The following MYT1L variants were observed in gnomAD, a reference collection of about 807,000 sequenced individuals.
MYT1L encodes myelin transcription factor 1 like.
Under a neutral mutation model 126.7 loss-of-function variants are expected in MYT1L, and 12 were observed. That is an observed-to-expected ratio of 0.09 (90% CI 0.06 to 0.15). MYT1L has a LOEUF of 0.15. MYT1L is among the 10% of genes least tolerant of loss of function. MYT1L has a pLI of 1.00. For synonymous variants in MYT1L, 541 were observed against 604.2 expected, an observed-to-expected ratio of 0.90 and a Z score of 1.53; for missense variants, 979 against 1,585.2, an observed-to-expected ratio of 0.62 and a Z score of 6.49.
chr2:1,897,425 T>C (rs1472049203), intron 14 of MYT1L, among the ~76,000 whole-genome samples: 1 of 151,946 alleles, frequency 6.6e-6, no homozygotes, highest in African/African-American at 2.4e-5. Flanking sequence ...CAGAATGCAC[T>C]TTCTTTTTCT....
chr2:2,034,005 T>C (rs1290631880), intron 4 of MYT1L, among the ~76,000 whole-genome samples: 2 of 152,142 alleles, frequency 1.3e-5, no homozygotes, highest in African/African-American at 4.8e-5. Flanking sequence ...ACCTAAGAAA[T>C]GAAAACATGC....
intron 3 of MYT1L, among the ~76,000 whole-genome samples, chr2:2,060,311 T>C (rs1386856067): frequency 1.3e-5 from 2 of 152,232 alleles, no homozygotes; most frequent in African/African-American, 4.8e-5. Context: ...CATAGCTGTA[T>C]TATAAAATTC....
intron 3 of MYT1L, among the ~76,000 whole-genome samples, chr2:2,112,522 T>C (rs1253502806): frequency 2.6e-5 from 4 of 152,180 alleles, no homozygotes; most frequent in African/African-American, 7.2e-5. Flanking sequence ...TGGTGGGGCA[T>C]TGAGACTGTA....
intron 8 of MYT1L, among the ~76,000 whole-genome samples, chr2:1,969,737 C>T (rs1402138128): frequency 6.6e-6 from 1 of 152,192 alleles, no homozygotes; most frequent in Non-Finnish European, 1.5e-5. Context: ...GGCCTTCCTG[C>T]AGCCCTCTCT....
At chr2:1,924,083 T>C (rs972624524) in intron 9 of MYT1L, among the ~76,000 whole-genome samples, 2 of 152,170 alleles carry the variant, frequency 1.3e-5, no homozygotes, top group African/African-American at 4.8e-5. Flanking sequence ...AGCTGGCACA[T>C]TCCTCCATCT....
chr2:2,090,427 T>A (rs776967648), intron 3 of MYT1L, among the ~76,000 whole-genome samples: 1 of 152,198 alleles, frequency 6.6e-6, no homozygotes, highest in Non-Finnish European at 1.5e-5. Flanking sequence ...TCTAAAAATG[T>A]ACATATCTTA....
intron 13 of MYT1L, among the ~76,000 whole-genome samples, chr2:1,908,379 G>A (rs942279401): frequency 1.3e-5 from 2 of 151,762 alleles, no homozygotes; most frequent in Non-Finnish European, 2.9e-5. Flanking sequence ...AGTCGTAGGT[G>A]GTCAGTGCAG....
intron 3 of MYT1L, among the ~76,000 whole-genome samples, chr2:2,120,794 AC>A (rs1428889778): frequency 6.6e-6 from 1 of 152,058 alleles, no homozygotes; most frequent in Non-Finnish European, 1.5e-5. Flanking sequence ...CATTGCACAC[AC>A]GTGTGTGTGT....
Position 1,912,025 on chromosome 2 carries a change from G to A in MYT1L, c.1704C>T (p.His568=), listed in dbSNP as rs1162447153. Residue 568 remains histidine, a synonymous_variant, in exon 12 of 25, where the codon CAC becomes CAT. Coordinates refer to ENST00000647738, the MANE Select transcript of MYT1L (RefSeq NM_001303052.2). This position sits in a 1 kb window ranked among gnomAD's most constrained non-coding sequence, Gnocchi z 4.3. Reference sequence around the variant, plus strand: ...GTGACCCACGCGTGGCTTACCTTCGGTGGGAGTTCCTGTTGCTGTTGACAT... The same window carrying A: ...GTGACCCACGCGTGGCTTACCTTCGATGGGAGTTCCTGTTGCTGTTGACAT... ...RGHVNSNRNS[H]RSLSGCPIAA... 2 of 1,595,322 alleles carry A rather than the reference G, an allele frequency of 1.3e-6. No homozygotes were observed. Among genetic ancestry groups the A allele is most frequent in the Non-Finnish European group, 1.7e-6 (2 of 1,167,384 alleles).
intron 2 of MYT1L, among the ~76,000 whole-genome samples, chr2:2,245,577 T>A (rs2094519179): frequency 6.6e-6 from 1 of 151,698 alleles, no homozygotes; most frequent in Non-Finnish European, 1.5e-5. Context: ...GACAATCACT[T>A]AGCAGTTTCC....
intron 18 of MYT1L, among the ~76,000 whole-genome samples, chr2:1,860,471 A>C (rs1206443937): frequency 6.6e-6 from 1 of 152,192 alleles, no homozygotes; most frequent in East Asian, 1.9e-4. Context: ...TCCACATGCA[A>C]AGGGACCTCA....
chr2:2,229,640 C>T (rs2094112413), intron 2 of MYT1L, among the ~76,000 whole-genome samples: 1 of 151,804 alleles, frequency 6.6e-6, no homozygotes, highest in African/African-American at 2.4e-5. Context: ...ACTGTGTTGG[C>T]CAGGCTGGTC....
chr2:2,146,413 G>A (rs1369992425), intron 3 of MYT1L, among the ~76,000 whole-genome samples: 1 of 152,186 alleles, frequency 6.6e-6, no homozygotes, highest in Non-Finnish European at 1.5e-5. Flanking sequence ...GACGATAGAA[G>A]TGAGTGTGGG....
chr2:2,268,734 C>T (rs1028325925), intron 2 of MYT1L, among the ~76,000 whole-genome samples: 3 of 152,100 alleles, frequency 2.0e-5, no homozygotes, highest in East Asian at 1.9e-4. Flanking sequence ...AGATAACCCG[C>T]GGCAGTTGTT....
At chr2:2,100,050 A>T (rs1419455089) in intron 3 of MYT1L, among the ~76,000 whole-genome samples, 1 of 152,202 alleles carries the variant, frequency 6.6e-6, no homozygotes, top group African/African-American at 2.4e-5. Flanking sequence ...GGTTGCATTT[A>T]TGTTTTCCTT....
chr2:1,979,349 G>A lies in MYT1L; in HGVS notation c.90-122C>T. 3.6e-6 allele frequency: 4 copies of A among 1,119,558 alleles called. No homozygotes were observed. Among genetic ancestry groups the A allele is most frequent in the Middle Eastern group, 2.3e-4 (1 of 4,442 alleles). The allele number at this position is 1,119,558 out of a possible 1,614,324, so 69.4% of individuals were successfully genotyped here. On this transcript the variant is annotated intron_variant, in intron 7 of 24. Coordinates refer to ENST00000647738, the MANE Select transcript of MYT1L (RefSeq NM_001303052.2). This position sits in a 1 kb window ranked among gnomAD's most constrained non-coding sequence, Gnocchi z 4.0. ...AGGAGAGAAATCACACAATCCAAAG[G>A]AGGGGGAAATTCGGGGAGGCTTTTT...
chr2:2,297,664 C>T (rs757134296), intron 1 of MYT1L, among the ~76,000 whole-genome samples: 1 of 152,190 alleles, frequency 6.6e-6, no homozygotes, highest in Non-Finnish European at 1.5e-5. Flanking sequence ...AAGGCATTCA[C>T]TCCAGAAGGT....
At chr2:1,895,636 T>C (rs1214789576) in intron 14 of MYT1L, among the ~76,000 whole-genome samples, 1 of 152,206 alleles carries the variant, frequency 6.6e-6, no homozygotes, top group Non-Finnish European at 1.5e-5. Flanking sequence ...GGCTGAGCTA[T>C]TTGTAGAAGA....
At chr2:2,167,747 C>T (rs1445747397) in intron 3 of MYT1L, among the ~76,000 whole-genome samples, 1 of 152,246 alleles carries the variant, frequency 6.6e-6, no homozygotes, top group Non-Finnish European at 1.5e-5. Flanking sequence ...CACTCAGATT[C>T]TCCCCTTTGG....
Sources: gnomAD v4.1 joint callset for allele counts (sites outside exome capture counted in the v4.1 genomes callset) on GRCh38, gnomAD v4.1.1 for gene constraint, Gnocchi (gnomAD v3.1) non-coding constraint, MANE v1.5 for transcripts, NCBI Gene and HGNC (gene_info 2026-07-23, HGNC 2026-07-21) for gene names.